CA10: variants seen among roughly 807,000 people sequenced by gnomAD.
The protein encoded by CA10 is carbonic anhydrase 10 (inactive).
CA10 carries 14 observed loss-of-function variants against 44.2 expected under a neutral mutation model. That is an observed-to-expected ratio of 0.32 (90% confidence interval 0.21 to 0.50). The LOEUF is 0.50. Among genes scored for constraint, CA10 ranks in the 20% least tolerant of loss-of-function variants. The pLI, the probability that CA10 is intolerant of heterozygous loss-of-function variation, is 0.99. For synonymous variants in CA10, 159 were observed against 141.6 expected (o/e 1.12, Z -0.87); for missense variants, 350 against 409.7 (o/e 0.85, Z 1.26).
At chr17:51,795,108 G>A (rs1009322723) in intron 3 of CA10, among the ~76,000 whole-genome samples, 3 of 152,160 alleles carry the variant, frequency 2.0e-5, no homozygotes, top group East Asian at 3.9e-4. Flanking sequence ...TCATTGTGTG[G>A]GTGGGAGGAT....
At chr17:52,139,716 T>C (rs953921922) in intron 1 of CA10, among the ~76,000 whole-genome samples, 1 of 152,176 alleles carries the variant, frequency 6.6e-6, no homozygotes, top group Non-Finnish European at 1.5e-5. Context: ...CATTCAAATC[T>C]TAGCTTACAT....
intron 1 of CA10, among the ~76,000 whole-genome samples, chr17:52,138,603 T>G (rs534952597): frequency 6.6e-6 from 1 of 152,296 alleles, no homozygotes; most frequent in South Asian, 2.1e-4. Context: ...GCAAGCAGGT[T>G]TGATATCAAA....
At chr17:51,756,611 A>C (rs538002251) in intron 3 of CA10, among the ~76,000 whole-genome samples, 1 of 151,554 alleles carries the variant, frequency 6.6e-6, no homozygotes, top group Non-Finnish European at 1.5e-5. Flanking sequence ...CTGGGACTAC[A>C]GGCGCCCGCC....
At chr17:51,947,404 A>G (rs931300083) in intron 2 of CA10, among the ~76,000 whole-genome samples, 3 of 152,106 alleles carry the variant, frequency 2.0e-5, no homozygotes, top group Non-Finnish European at 2.9e-5. Context: ...TGTTCTTGTC[A>G]GTGTAGATGT....
At chr17:51,777,918 C>A (rs1472862329) in intron 3 of CA10, among the ~76,000 whole-genome samples, 3 of 152,136 alleles carry the variant, frequency 2.0e-5, no homozygotes, top group Admixed American at 6.5e-5. Flanking sequence ...GGCAACAGAG[C>A]AAGACCCTGT....
At chr17:52,000,974 T>C (rs1985404107) in intron 2 of CA10, among the ~76,000 whole-genome samples, 1 of 151,934 alleles carries the variant, frequency 6.6e-6, no homozygotes, top group Admixed American at 6.6e-5. Context: ...AGTACTTATC[T>C]CAAACTGTTA....
intron 3 of CA10, among the ~76,000 whole-genome samples, chr17:51,915,061 T>C (rs984629150): frequency 6.6e-5 from 10 of 152,210 alleles, no homozygotes; most frequent in African/African-American, 2.2e-4. Context: ...AATAAACATT[T>C]ATTGACTGCT....
At chr17:51,778,421 G>T (rs1037558940) in intron 3 of CA10, among the ~76,000 whole-genome samples, 3 of 152,120 alleles carry the variant, frequency 2.0e-5, no homozygotes, top group Admixed American at 2.0e-4. Flanking sequence ...TTGCTCAGGG[G>T]CATAGATCGC....
chr17:52,073,935 C>T (rs55939070), intron 1 of CA10, among the ~76,000 whole-genome samples: 2,139 of 152,206 alleles, frequency 0.014, 22 homozygotes, highest in Non-Finnish European at 0.022. Flanking sequence ...TCTTTAGACC[C>T]GACCAAGCCA....
intron 4 of CA10, among the ~76,000 whole-genome samples, chr17:51,725,346 A>T (rs1037915728): frequency 2.6e-5 from 4 of 152,232 alleles, no homozygotes; most frequent in African/African-American, 9.6e-5. Flanking sequence ...GTCGGCTTGA[A>T]CTTTAATAGA....
intron 2 of CA10, among the ~76,000 whole-genome samples, chr17:52,051,668 A>C (rs1987076008): frequency 6.6e-6 from 1 of 152,128 alleles, no homozygotes; most frequent in East Asian, 1.9e-4. Flanking sequence ...GAGTGCCTAT[A>C]CATGGTTGAT....
chr17:51,835,308 G>A (rs1908435685), intron 3 of CA10, among the ~76,000 whole-genome samples: 1 of 152,192 alleles, frequency 6.6e-6, no homozygotes, highest in Admixed American at 6.5e-5. Context: ...CATTTTAGTA[G>A]AGGCTATGCC....
chr17:51,859,452 C>T (rs976747820), intron 3 of CA10, among the ~76,000 whole-genome samples: 7 of 152,140 alleles, frequency 4.6e-5, no homozygotes, highest in African/African-American at 1.4e-4. Flanking sequence ...AATTACTTGG[C>T]TCAGGAGATC....
intron 4 of CA10, among the ~76,000 whole-genome samples, chr17:51,739,191 C>A (rs1306053759): frequency 2.6e-5 from 4 of 152,060 alleles, no homozygotes; most frequent in Non-Finnish European, 5.9e-5. Flanking sequence ...TTTAACACCT[C>A]TTTTTCAAAT....
At chr17:51,687,812 T>C (rs1245074063) in intron 4 of CA10, among the ~76,000 whole-genome samples, 3 of 152,224 alleles carry the variant, frequency 2.0e-5, no homozygotes, top group East Asian at 1.9e-4. Context: ...AAATAAAAAC[T>C]GTGATAACCC....
intron 6 of CA10, among the ~76,000 whole-genome samples, chr17:51,636,990 A>G (rs1038008734): frequency 6.6e-6 from 1 of 152,174 alleles, no homozygotes; most frequent in Admixed American, 6.5e-5. Context: ...AACTGTTACT[A>G]TTAGCATTTT....
chr17:51,918,293 G>A (rs1202498585), intron 3 of CA10, among the ~76,000 whole-genome samples: 1 of 152,064 alleles, frequency 6.6e-6, no homozygotes. Context: ...AAGCAAGAGT[G>A]GCTTTTCCTT....
At chr17:51,727,865 G>A (rs918809931) in intron 4 of CA10, among the ~76,000 whole-genome samples, 10 of 151,946 alleles carry the variant, frequency 6.6e-5, no homozygotes, top group Admixed American at 6.6e-4. Flanking sequence ...AAAGACTTTT[G>A]CAGAACTTTT....
chr17:51,822,433 CAAAA>C (rs1225219966), intron 3 of CA10, among the ~76,000 whole-genome samples: 1 of 150,786 alleles, frequency 6.6e-6, no homozygotes, highest in African/African-American at 2.4e-5. Context: ...AAAACAAAAA[CAAAA>C]ACAAAAACAA....
Sources: gnomAD v4.1 joint callset for allele counts (sites outside exome capture counted in the v4.1 genomes callset) on GRCh38, gnomAD v4.1.1 for gene constraint, MANE v1.5 for transcripts, NCBI Gene and HGNC (gene_info 2026-07-23, HGNC 2026-07-21) for gene names.